The following SH3GL3 variants were observed in gnomAD, a reference collection of about 807,000 sequenced individuals.
The protein encoded by SH3GL3 is endophilin-A3.
SH3GL3 carries 33 observed loss-of-function variants against 47.7 expected under a neutral mutation model. That is an observed-to-expected ratio of 0.69 (90% CI 0.52 to 0.92). The LOEUF is 0.92. Among genes scored for constraint, SH3GL3 ranks in the 40% least tolerant of loss-of-function variants. SH3GL3 has a pLI of 0.00. For synonymous variants in SH3GL3, 155 were observed against 148.8 expected, an observed-to-expected ratio of 1.04 and a Z score of -0.30; for missense variants, 363 against 417.8, an observed-to-expected ratio of 0.87 and a Z score of 1.14.
In SH3GL3 at chr15:83,513,095, A is replaced by G. The variant is rs1033592137; in HGVS notation, c.46-46158A>G. ...TGTACTTTTCCTGCTGTGAATCTGT[A>G]TTTTTCCGCTGTGTGTATTTGCAAT... On this transcript the variant is annotated intron_variant, in intron 1 of 8. Coordinates refer to ENST00000427482, the MANE Select transcript of SH3GL3 (RefSeq NM_003027.5). Among the ~76,000 whole-genome samples, 83 of 152,000 alleles carry G rather than the reference A, an allele frequency of 5.5e-4. 1 individual carries two copies. The highest frequency in any genetic ancestry group is 1.9e-3 in the African/African-American group (80 of 41,372).
Position 83,572,709 on chromosome 15 carries a change from C to T in SH3GL3, c.465+11C>T, listed in dbSNP as rs1272135836. ...TTAAAAGAGATCGGGGTAAGTCTTCCAGGGTATAAATATACCTGTTGCTAC... is the reference window on the plus strand; with the variant it reads ...TTAAAAGAGATCGGGGTAAGTCTTCTAGGGTATAAATATACCTGTTGCTAC... On this transcript the variant is annotated intron_variant, in intron 5 of 8. Coordinates refer to ENST00000427482, the MANE Select transcript of SH3GL3 (RefSeq NM_003027.5). 7 of 1,588,988 alleles carry T rather than the reference C, an allele frequency of 4.4e-6. No individual in the cohort carries two copies. In the South Asian group the frequency reaches 6.7e-5, roughly 15 times the overall value.
intron 8 of SH3GL3, among the ~76,000 whole-genome samples, chr15:83,610,863 T>C (rs1170649558): frequency 6.6e-6 from 1 of 152,120 alleles, no homozygotes; most frequent in Non-Finnish European, 1.5e-5. Flanking sequence ...ATTTCGTCCC[T>C]GTAGCTGAGT....
At chr15:83,610,900 C>T (rs776794830) in intron 8 of SH3GL3, among the ~76,000 whole-genome samples, 13 of 151,836 alleles carry the variant, frequency 8.6e-5, no homozygotes, top group East Asian at 1.9e-4. Context: ...AGGATTGGAC[C>T]GCCTCTACCT....
At chr15:83,474,158 C>T (rs1217170470) in intron 1 of SH3GL3, among the ~76,000 whole-genome samples, 3 of 152,188 alleles carry the variant, frequency 2.0e-5, no homozygotes, top group African/African-American at 7.2e-5. Context: ...CCCTTCTTAG[C>T]GGATGTTACT....
chr15:83,631,337 T>A, the SH3GL3 span, among the ~76,000 whole-genome samples: 124 of 152,276 alleles, frequency 8.1e-4, 1 homozygote, highest in African/African-American at 2.9e-3. Context: ...TGAAGAATGG[T>A]GGTCCTCTTC....
At chr15:83,524,950 A>G (rs1236692820) in intron 1 of SH3GL3, among the ~76,000 whole-genome samples, 1 of 152,116 alleles carries the variant, frequency 6.6e-6, no homozygotes, top group Non-Finnish European at 1.5e-5. Context: ...GCCATTGTTA[A>G]TGGTGTTGCA....
intron 1 of SH3GL3, among the ~76,000 whole-genome samples, chr15:83,465,011 TAATAATAATAATAAC>T: frequency 8.1e-6 from 1 of 122,940 alleles, no homozygotes; most frequent in Non-Finnish European, 1.9e-5. Flanking sequence ...ATAATAATAA[TAATAATAATAATAAC>T]AGCAATAAAA....
chr15:83,633,550 C>G, the SH3GL3 span, among the ~76,000 whole-genome samples: 16 of 152,270 alleles, frequency 1.1e-4, no homozygotes, highest in East Asian at 2.9e-3. Context: ...CTATGAAACT[C>G]TCTCCCACCT....
chr15:83,507,274 T>C lies in SH3GL3; in HGVS notation c.46-51979T>C, dbSNP rs183132689. Among the ~76,000 whole-genome samples the C allele has an allele frequency of 9.2e-5, 14 of 152,222 alleles. No individual in the cohort carries two copies. The East Asian group carries it at 1.9e-3, about 21-fold the overall frequency. On this transcript the variant is annotated intron_variant, in intron 1 of 8. Coordinates refer to ENST00000427482, the MANE Select transcript of SH3GL3 (RefSeq NM_003027.5). Reference sequence around the variant, plus strand: ...CCGCCCACCTCGACCTCCCAAAGTGTTGGGATTACAGGCGTGAGCCACCGT... The same window carrying C: ...CCGCCCACCTCGACCTCCCAAAGTGCTGGGATTACAGGCGTGAGCCACCGT...
chr15:83,602,925 T>C (rs2060424111), intron 8 of SH3GL3, among the ~76,000 whole-genome samples: 1 of 152,220 alleles, frequency 6.6e-6, no homozygotes, highest in Non-Finnish European at 1.5e-5. Context: ...TTATTGCTGC[T>C]CAGGGACCTT....
chr15:83,533,188 T>A (rs979959737), intron 1 of SH3GL3, among the ~76,000 whole-genome samples: 5 of 151,954 alleles, frequency 3.3e-5, no homozygotes, highest in Admixed American at 3.3e-4. Context: ...TTCTGAGGAG[T>A]ATGGACTAGA....
chr15:83,516,121 G>C (rs1241164276), intron 1 of SH3GL3, among the ~76,000 whole-genome samples: 1 of 139,944 alleles, frequency 7.1e-6, no homozygotes, highest in African/African-American at 2.6e-5. Flanking sequence ...AGGGATACAT[G>C]GGGGGCTTCT....
chr15:83,557,775 G>A (rs181573140), intron 1 of SH3GL3, among the ~76,000 whole-genome samples: 63 of 152,312 alleles, frequency 4.1e-4, no homozygotes, highest in Admixed American at 1.4e-3. Context: ...TGCCTAGCTA[G>A]GCTTGTTTCT....
chr15:83,591,610 G>C (rs1378119680), intron 8 of SH3GL3, among the ~76,000 whole-genome samples: 1 of 152,012 alleles, frequency 6.6e-6, no homozygotes, highest in Non-Finnish European at 1.5e-5. Flanking sequence ...ACATGGGCAG[G>C]CCCCATGAAT....
chr15:83,603,857 C>T (rs950637071), intron 8 of SH3GL3, among the ~76,000 whole-genome samples: 4 of 152,270 alleles, frequency 2.6e-5, no homozygotes, highest in East Asian at 3.9e-4. Flanking sequence ...GGTTTCAGCC[C>T]GGTGCGGTGG....
chr15:83,573,292 G>C (rs1169047804), intron 5 of SH3GL3, among the ~76,000 whole-genome samples: 2 of 152,224 alleles, frequency 1.3e-5, no homozygotes, highest in Non-Finnish European at 2.9e-5. Flanking sequence ...GATATGTACA[G>C]AAGATGTTCC....
At chr15:83,461,014 C>T (rs763927879) in intron 1 of SH3GL3, among the ~76,000 whole-genome samples, 1 of 151,002 alleles carries the variant, frequency 6.6e-6, no homozygotes, top group Non-Finnish European at 1.5e-5. Context: ...ACCCGGGAGG[C>T]GGAGCTTGTA....
At position 83,594,071 on chromosome 15, in the gene SH3GL3, G is replaced by A. The variant is rs907945158; in HGVS notation, c.838+5300G>A. 2.6e-5 allele frequency among the ~76,000 whole-genome samples: 4 copies of A among 152,072 alleles called. No homozygotes were observed. In the East Asian group the frequency reaches 5.8e-4, roughly 22 times the overall value. On this transcript the variant is annotated intron_variant, in intron 8 of 8. Coordinates refer to ENST00000427482, the MANE Select transcript of SH3GL3 (RefSeq NM_003027.5). ...TGGGCTCAAGCTATTCGCCTGCTTC[G>A]GCCTTCCAAAGTGTTGGGATTACAG...
the SH3GL3 span, among the ~76,000 whole-genome samples, chr15:83,624,002 G>T: frequency 6.6e-6 from 1 of 152,120 alleles, no homozygotes; most frequent in African/African-American, 2.4e-5. Context: ...GGCCAGGCTG[G>T]TCTCGAACTC....
Sources: gnomAD v4.1 joint callset for allele counts (sites outside exome capture counted in the v4.1 genomes callset) on GRCh38, gnomAD v4.1.1 for gene constraint, MANE v1.5 for transcripts, NCBI Gene and HGNC (gene_info 2026-07-23, HGNC 2026-07-21) for gene names.